ADH5: variants seen among roughly 807,000 people sequenced by gnomAD.
The protein encoded by ADH5 is alcohol dehydrogenase class-3.
A neutral mutation model predicts 40.3 loss-of-function variants in ADH5; 32 were observed. The ratio of observed to expected loss-of-function variants is 0.79; its 90% CI spans 0.60 to 1.07. ADH5 has a LOEUF of 1.07. Ranked by LOEUF, ADH5 falls within the 50% of genes least tolerant of loss-of-function variation. The pLI is 0.00. For synonymous variants in ADH5, 125 were observed against 154.3 expected (o/e 0.81, Z 1.41); for missense variants, 353 against 460.5 (o/e 0.77, Z 2.14).
rs1325584537 is a variant in ADH5 at position 99,085,089 on chromosome 4, TCCCAGTG to T, written c.114+19_114+25del. ...AGAGACCTCATTGTGTCTCTTTTTTTCCCAGTGCCTTAAATGTATCATTACCTTGATT... is the reference window on the plus strand; with the variant it reads ...AGAGACCTCATTGTGTCTCTTTTTTTCCTTAAATGTATCATTACCTTGATT... On this transcript the variant is annotated intron_variant, in intron 2 of 8. Transcript: ENST00000296412. The T allele has an allele frequency of 1.6e-6, 2 of 1,284,856 alleles. No homozygotes were observed. The highest frequency in any genetic ancestry group is 3.0e-5 in the African/African-American group (2 of 66,340). The allele number at this position is 1,284,856 out of a possible 1,614,324, so 79.6% of individuals were successfully genotyped here. A position where few individuals can be genotyped will look rare whatever the true frequency, so the allele number is the denominator to read the frequency against.
In ADH5 at chr4:99,081,802, G is replaced by T. The variant is rs1284563129; in HGVS notation, c.256+173C>A. On this transcript the variant is annotated intron_variant, in intron 3 of 8. Coordinates refer to ENST00000296412, the MANE Select transcript of ADH5 (RefSeq NM_000671.4). ...ACAAAAACAGTAGTCTGCAAAATCA[G>T]AGAGAAAAAAATATCCAAATATTTG... The T allele has an allele frequency of 1.3e-5, 10 of 780,248 alleles. No individual in the cohort carries two copies. The East Asian group carries it at 2.5e-4, about 19-fold the overall frequency. The allele number at this position is 780,248 out of a possible 1,614,324, so 48.3% of individuals were successfully genotyped here.
At chr4:99,080,333 AT>A (rs1728005645) in intron 4 of ADH5, 1 of 204,420 alleles carries the variant, frequency 4.9e-6, no homozygotes, top group Admixed American at 6.0e-5. Flanking sequence ...ATGACAAACC[AT>A]TCTGGGGTAG....
intron 1 of ADH5, among the ~76,000 whole-genome samples, chr4:99,085,965 AG>A (rs1355653650): frequency 1.3e-5 from 2 of 152,154 alleles, no homozygotes; most frequent in African/African-American, 4.8e-5. Flanking sequence ...TGAACCCGGG[AG>A]GTGGAGGTTG....
At position 99,086,939 on chromosome 4, in the gene ADH5, C is replaced by CA. The variant is rs58359709; in HGVS notation, c.13-1724dup. Among the ~76,000 whole-genome samples the CA allele has an allele frequency of 7.1e-3, 458 of 64,240 alleles. 13 individuals are homozygous for CA. The highest frequency in any genetic ancestry group is 0.016 in the African/African-American group (221 of 14,064). The allele number at this position is 64,240 out of a possible 152,430, so 42.1% of individuals were successfully genotyped here. The stretch of plus-strand genomic sequence containing the variant: ...TGGGTGACAGAGCAAGACTGCGTCT[C>CA]AAAAAAAAAAAAAAAAAAAAAAAAA... On this transcript the variant is annotated intron_variant, in intron 1 of 8. Coordinates refer to ENST00000296412, the MANE Select transcript of ADH5 (RefSeq NM_000671.4).
rs1345480667 is a variant in ADH5, at chr4:99,072,701, A to G, written c.972T>C (p.Ser324=). Residue 324 remains serine, a synonymous_variant, in exon 8 of 9, where the codon AGT becomes AGC. Coordinates refer to ENST00000296412, the MANE Select transcript of ADH5 (RefSeq NM_000671.4). ...ACACCAACTTTGGGACACTTTCTAC[A>G]CTCTTCCATCCTAAAAGAAATCACA... ...WKGTAFGGWK[S]VESVPKLVSE... 7.5e-6 allele frequency: 12 copies of G among 1,609,612 alleles called. No individual in the cohort carries two copies. The highest frequency in any genetic ancestry group is 2.2e-5 in the South Asian group (2 of 89,770).
Position 99,082,124 on chromosome 4 carries a change from G to C in ADH5, c.115-8C>G. 6.2e-7 allele frequency: 1 copy of C among 1,612,910 alleles called. No homozygotes were observed. The highest frequency in any genetic ancestry group is 2.2e-5 in the East Asian group (1 of 44,876). On this transcript the variant is annotated splice_polypyrimidine_tract_variant and splice_region_variant and intron_variant, in intron 2 of 8. Transcript: ENST00000296412. ...AACCGCAGTGGCAATGATCTATCAG[G>C]ACATTAAAACAACGAATGTGTAAGT...
At chr4:99,077,392 C>T (rs1008265599) in intron 4 of ADH5, among the ~76,000 whole-genome samples, 5 of 151,886 alleles carry the variant, frequency 3.3e-5, no homozygotes, top group African/African-American at 9.7e-5. Flanking sequence ...TAGCGGAGCA[C>T]GTGCCTGCAG....
In ADH5 at chr4:99,072,442, C is replaced by A; in HGVS notation, c.1101-1G>T. The A allele has an allele frequency of 6.2e-7, 1 of 1,613,260 alleles. No homozygotes were observed. The highest frequency in any genetic ancestry group is 1.1e-5 in the South Asian group (1 of 91,020). ...TTAAATCTTTACAACAGTTCGAATGCTGTAAAAGGAAGCAACATACTAAGT... is the reference window on the plus strand; with the variant it reads ...TTAAATCTTTACAACAGTTCGAATGATGTAAAAGGAAGCAACATACTAAGT... On this transcript the variant is annotated splice_acceptor_variant, in intron 8 of 8. Coordinates refer to ENST00000296412, the MANE Select transcript of ADH5 (RefSeq NM_000671.4). LOFTEE classifies it high-confidence loss of function.
intron 2 of ADH5, among the ~76,000 whole-genome samples, chr4:99,083,492 A>C (rs1275750873): frequency 6.8e-6 from 1 of 146,872 alleles, no homozygotes; most frequent in Non-Finnish European, 1.5e-5. Context: ...CCCAGCTACT[A>C]GGGAGGCCGA....
chr4:99,072,236 A>G lies in ADH5; in HGVS notation c.*181T>C, dbSNP rs1208300673. 6.2e-6 allele frequency: 3 copies of G among 487,592 alleles called. No homozygotes were observed. Among genetic ancestry groups the G allele is most frequent in the Non-Finnish European group, 1.1e-5 (3 of 272,370 alleles). The allele number at this position is 487,592 out of a possible 1,614,324, so 30.2% of individuals were successfully genotyped here. A position where few individuals can be genotyped will look rare whatever the true frequency, so the allele number is the denominator to read the frequency against. ...TTATGTGGAGGAGCATCCAGAAAAC[A>G]GGTTCATGACTGAATTATCCTTGTC... On this transcript the variant is annotated 3_prime_UTR_variant, in exon 9 of 9. Coordinates refer to ENST00000296412, the MANE Select transcript of ADH5 (RefSeq NM_000671.4).
chr4:99,085,069 C>T (rs1278982599), intron 2 of ADH5, 46 bp downstream of exon 2: 2 of 1,002,330 alleles, frequency 2.0e-6, no homozygotes, highest in East Asian at 2.9e-5. Flanking sequence ...TATCCAGAGA[C>T]CTCATTGTGT....
intron 6 of ADH5, 128 bp downstream of exon 6, chr4:99,076,164 C>T: frequency 1.1e-6 from 1 of 884,482 alleles, no homozygotes; most frequent in Middle Eastern, 2.3e-4. Flanking sequence ...GATATTTTCC[C>T]CTTCTTTCAC....
At chr4:99,081,137 G>C (rs1728018277) in intron 4 of ADH5, among the ~76,000 whole-genome samples, 2 of 152,148 alleles carry the variant, frequency 1.3e-5, no homozygotes. Flanking sequence ...AACTGTCTTT[G>C]TTTCTTGCTT....
At chr4:99,081,855 TCTTGAC>T in intron 3 of ADH5, 114 bp downstream of exon 3, 1 of 1,007,982 alleles carries the variant, frequency 9.9e-7, no homozygotes, top group Non-Finnish European at 1.4e-6. Flanking sequence ...ATCAACTTAA[TCTTGAC>T]AATCTACTTA....
chr4:99,074,215 T>C (rs551235482), intron 7 of ADH5, among the ~76,000 whole-genome samples: 1 of 152,240 alleles, frequency 6.6e-6, no homozygotes, highest in Admixed American at 6.5e-5. Flanking sequence ...TATAAATATA[T>C]ATTTTTAAAG....
intron 6 of ADH5, chr4:99,076,054 T>C (rs1379376342): frequency 2.1e-6 from 1 of 483,742 alleles, no homozygotes; most frequent in East Asian, 3.9e-5. Context: ...TCTTTTCATT[T>C]CATGAGACAT....
chr4:99,080,917 C>T (rs950102018), intron 4 of ADH5, among the ~76,000 whole-genome samples: 1 of 152,162 alleles, frequency 6.6e-6, no homozygotes, highest in African/African-American at 2.4e-5. Flanking sequence ...ACCCAACTCC[C>T]CCTGAGGAAG....
chr4:99,072,463 T>C, intron 8 of ADH5, 22 bp from the exon 9 acceptor site: 1 of 1,612,526 alleles, frequency 6.2e-7, no homozygotes, highest in Non-Finnish European at 8.5e-7. Context: ...AGCAACATAC[T>C]AAGTTTTAAA....
chr4:99,073,719 T>G (rs564296152), intron 7 of ADH5, among the ~76,000 whole-genome samples: 30 of 152,276 alleles, frequency 2.0e-4, no homozygotes, highest in African/African-American at 5.5e-4. Flanking sequence ...CCACAGTCAC[T>G]CCTGTTCTCT....
Sources: allele counts gnomAD v4.1 joint callset (sites outside exome capture counted in the v4.1 genomes callset), GRCh38; gene constraint gnomAD v4.1.1; transcripts MANE v1.5; gene names NCBI Gene and HGNC (gene_info 2026-07-23, HGNC 2026-07-21).